The following VAV3 variants were observed in gnomAD, a reference collection of about 807,000 sequenced individuals.
VAV3 encodes vav guanine nucleotide exchange factor 3.
VAV3 carries 94 observed loss-of-function variants against 131.2 expected under a neutral mutation model. The ratio of observed to expected loss-of-function variants is 0.72; its 90% confidence interval spans 0.61 to 0.85. The LOEUF is 0.85. VAV3 is among the 40% of genes least tolerant of loss of function. VAV3 has a pLI of 0.00. For synonymous variants in VAV3, 349 were observed against 342.0 expected, an observed-to-expected ratio of 1.02 and a Z score of -0.22; for missense variants, 939 against 1,002.7, an observed-to-expected ratio of 0.94 and a Z score of 0.86.
In VAV3 at chr1:107,642,732, T is replaced by C. The variant is rs1445960441; in HGVS notation, c.1801A>G (p.Arg601Gly). Reference protein sequence around the residue: ...DPGLPKMQVIRNYSGTPPPAL... With the variant: ...DPGLPKMQVIGNYSGTPPPAL... ...GGGGGTGGTGTTCCAGAATAGTTCC[T>C]AATGACCTGCATCTTTGGTAAACCT... Residue 601 changes from arginine (R) to glycine (G), a missense_variant, in exon 20 of 27, where the codon AGG becomes GGG. Transcript: ENST00000370056. The C allele has an allele frequency of 6.2e-7, 1 of 1,613,494 alleles. No homozygotes were observed. The highest frequency in any genetic ancestry group is 8.5e-7 in the Non-Finnish European group (1 of 1,179,624).
chr1:107,657,837 C>T (rs754805627), intron 19 of VAV3, among the ~76,000 whole-genome samples: 8 of 152,164 alleles, frequency 5.3e-5, no homozygotes, highest in Non-Finnish European at 1.2e-4. Context: ...TCAGGTGCTT[C>T]ACTGGTGTTG....
At chr1:107,599,449 C>A (rs1428341706) in intron 24 of VAV3, among the ~76,000 whole-genome samples, 1 of 152,170 alleles carries the variant, frequency 6.6e-6, no homozygotes, top group African/African-American at 2.4e-5. Flanking sequence ...CAATTCAAGT[C>A]TCTCAAAAAT....
At chr1:107,895,224 G>A (rs751574190) in intron 1 of VAV3, among the ~76,000 whole-genome samples, 5 of 152,100 alleles carry the variant, frequency 3.3e-5, no homozygotes, top group African/African-American at 7.2e-5. Context: ...AGAAGGAATC[G>A]GACTCTCACC....
At chr1:107,636,803 T>C in intron 20 of VAV3, among the ~76,000 whole-genome samples, 1 of 151,908 alleles carries the variant, frequency 6.6e-6, no homozygotes, top group Non-Finnish European at 1.5e-5. Context: ...AAAATGAAAA[T>C]AAACAGCTTT....
At chr1:107,932,765 A>G (rs1379927663) in intron 1 of VAV3, among the ~76,000 whole-genome samples, 2 of 152,232 alleles carry the variant, frequency 1.3e-5, no homozygotes. Flanking sequence ...GGAAACAGAC[A>G]TTACAGTGAT....
chr1:107,942,150 G>C (rs929611096), intron 1 of VAV3, among the ~76,000 whole-genome samples: 1 of 152,148 alleles, frequency 6.6e-6, no homozygotes. Context: ...TGCTGGCATC[G>C]CTGGGCTTTC....
intron 1 of VAV3, among the ~76,000 whole-genome samples, chr1:107,917,100 C>T: frequency 6.6e-6 from 1 of 152,114 alleles, no homozygotes. Context: ...AGAAAGTCAT[C>T]ATGGTTTCTG....
At chr1:107,918,198 G>T (rs940501692) in intron 1 of VAV3, among the ~76,000 whole-genome samples, 1 of 152,174 alleles carries the variant, frequency 6.6e-6, no homozygotes, top group African/African-American at 2.4e-5. Context: ...CACAGGCAGG[G>T]TTGGGAAAGA....
intron 20 of VAV3, 68 bp from the exon 21 acceptor site, chr1:107,617,700 C>G: frequency 7.3e-7 from 1 of 1,370,638 alleles, no homozygotes. Context: ...CATGATGCCC[C>G]ATACATAGCA....
intron 10 of VAV3, 77 bp from the exon 11 acceptor site, chr1:107,757,406 T>A: frequency 8.4e-7 from 1 of 1,192,454 alleles, no homozygotes; most frequent in Non-Finnish European, 1.2e-6. Context: ...TTTTTACAAA[T>A]AAACCATTAT....
At chr1:107,882,108 T>A (rs556704017) in intron 1 of VAV3, among the ~76,000 whole-genome samples, 7 of 152,248 alleles carry the variant, frequency 4.6e-5, no homozygotes, top group African/African-American at 1.7e-4. Flanking sequence ...ACTGAGGCAA[T>A]GGAAGAGGAA....
chr1:107,612,389 T>A (rs1043669888), intron 21 of VAV3, among the ~76,000 whole-genome samples: 1 of 152,060 alleles, frequency 6.6e-6, no homozygotes, highest in African/African-American at 2.4e-5. Context: ...TTGTTTCAGA[T>A]ATTAATTCAG....
At chr1:107,949,176 T>A (rs922062260) in intron 1 of VAV3, among the ~76,000 whole-genome samples, 1 of 152,258 alleles carries the variant, frequency 6.6e-6, no homozygotes, top group African/African-American at 2.4e-5. Flanking sequence ...AATATTTGCA[T>A]AAATGAAGTT....
intron 19 of VAV3, among the ~76,000 whole-genome samples, chr1:107,682,795 C>T (rs1000179679): frequency 1.3e-5 from 2 of 152,108 alleles, no homozygotes; most frequent in South Asian, 2.1e-4. Context: ...TCATCAAGTT[C>T]GTGTATTTGG....
At chr1:107,956,850 T>C (rs1429349446) in intron 1 of VAV3, among the ~76,000 whole-genome samples, 1 of 151,964 alleles carries the variant, frequency 6.6e-6, no homozygotes, top group East Asian at 1.9e-4. Context: ...CAAGTTGAAT[T>C]TTACCAGGGT....
chr1:107,847,773 A>G lies in VAV3; in HGVS notation c.321+27128T>C, dbSNP rs116702715. Among the ~76,000 whole-genome samples the G allele has an allele frequency of 7.5e-3, 1,144 of 152,338 alleles. 14 individuals carry two copies. The highest frequency in any genetic ancestry group is 0.017 in the African/African-American group (697 of 41,570). ...TAACAAGTTCTGAAACTGAGGCAGT[A>G]ATTAATAGCTGACCAACTAAAAAAA... On this transcript the variant is annotated intron_variant, in intron 2 of 26. Transcript: ENST00000370056.
At chr1:107,745,429 C>T (rs1047618455) in intron 15 of VAV3, among the ~76,000 whole-genome samples, 1 of 151,652 alleles carries the variant, frequency 6.6e-6, no homozygotes, top group African/African-American at 2.4e-5. Flanking sequence ...CCAAGTGGGT[C>T]ACTGCTACTT....
At chr1:107,632,123 T>C (rs1012438114) in intron 20 of VAV3, among the ~76,000 whole-genome samples, 1 of 152,174 alleles carries the variant, frequency 6.6e-6, no homozygotes, top group Non-Finnish European at 1.5e-5. Flanking sequence ...CCTTATTTTG[T>C]AGCTACGTTT....
chr1:107,659,480 C>T (rs1656841195), intron 19 of VAV3, among the ~76,000 whole-genome samples: 1 of 152,122 alleles, frequency 6.6e-6, no homozygotes, highest in Admixed American at 6.6e-5. Flanking sequence ...AAAAGAACCA[C>T]CTGGGATTCC....
Sources: allele counts gnomAD v4.1 joint callset (sites outside exome capture counted in the v4.1 genomes callset), GRCh38; gene constraint gnomAD v4.1.1; transcripts MANE v1.5; gene names NCBI Gene and HGNC (gene_info 2026-07-23, HGNC 2026-07-21).